The following NEU2 variants were observed in gnomAD, a reference collection of about 807,000 sequenced individuals.
NEU2 encodes sialidase-2.
NEU2 carries 7 observed loss-of-function variants against 6.3 expected under a neutral mutation model. The ratio of observed to expected loss-of-function variants is 1.12; its 90% CI spans 0.63 to 2.10. The LOEUF is 2.10. NEU2 is among the 30% of genes most tolerant of loss of function. NEU2 has a pLI of 0.00. For synonymous variants in NEU2, 208 were observed against 223.3 expected (o/e 0.93, Z 0.61); for missense variants, 509 against 504.0 (o/e 1.01, Z -0.09).
intron 1 of NEU2, among the ~76,000 whole-genome samples, chr2:233,033,558 G>A (rs567754267): frequency 1.3e-5 from 2 of 152,312 alleles, no homozygotes; most frequent in South Asian, 2.1e-4. Context: ...TTGCCCAATG[G>A]GGGTAGCTGT....
chr2:233,034,932 A>C lies in NEU2; in HGVS notation c.1018A>C (p.Met340Leu). The change falls in exon 2 of 2, where the codon ATG (methionine) becomes CTG (leucine). Residue 340 changes from methionine (M) to leucine (L), a missense_variant. By Grantham distance (15) the Met-to-Leu change is conservative (BLOSUM62 2). Coordinates refer to ENST00000233840, the MANE Select transcript of NEU2 (RefSeq NM_005383.2). This position sits in a 1 kb window ranked among gnomAD's most constrained non-coding sequence, Gnocchi z 4.8. ...GSCAYSDLQS[M>L]GTGPDGSPLF... ...CTGTGCCTACTCAGACCTCCAGAGC[A>C]TGGGCACCGGCCCTGATGGGTCCCC... The C allele has an allele frequency of 6.2e-7, 1 of 1,614,156 alleles. No individual in the cohort carries two copies. The highest frequency in any genetic ancestry group is 1.1e-5 in the South Asian group (1 of 91,090).
rs1181758144 is a variant in NEU2, at chr2:233,034,745, C to T, written c.831C>T (p.Ile277=). 2.0e-6 allele frequency: 3 copies of T among 1,538,312 alleles called. No individual in the cohort carries two copies. The Admixed American group carries it at 6.0e-5, about 31-fold the overall frequency. ...CCCAGGGCTGCCAGGGGAGCGTCAT[C>T]AGCTTCCCCAGCCCCCGCTCGGGGC... The part of the protein sequence containing the change: ...PPPQGCQGSV[I]SFPSPRSGPG... Residue 277 remains isoleucine, a synonymous_variant, in exon 2 of 2, where the codon ATC becomes ATT. Transcript: ENST00000233840. The surrounding 1 kb of genome is among the most constrained non-coding windows in gnomAD (Gnocchi z 4.8).
Position 233,034,397 on chromosome 2 carries a change from G to A in NEU2, c.483G>A (p.Pro161=), listed in dbSNP as rs374643414. 5.6e-5 allele frequency: 91 copies of A among 1,613,756 alleles called. No homozygotes were observed. Among genetic ancestry groups the A allele is most frequent in the African/African-American group, 1.1e-4 (8 of 74,896 alleles). ...AGTGGTCCACCTTTGCAGTGGGCCCGGGGCATTGTTTGCAGCTTCACGACA... is the reference window on the plus strand; with the variant it reads ...AGTGGTCCACCTTTGCAGTGGGCCCAGGGCATTGTTTGCAGCTTCACGACA... The part of the protein sequence containing the change: ...YREWSTFAVG[P]GHCLQLHDRA... The change falls in exon 2 of 2, where the codon CCG becomes CCA. Residue 161 remains proline (P), a synonymous_variant. Coordinates refer to ENST00000233840, the MANE Select transcript of NEU2 (RefSeq NM_005383.2). This position sits in a 1 kb window ranked among gnomAD's most constrained non-coding sequence, Gnocchi z 4.8.
Position 233,034,243 on chromosome 2 carries a change from C to A in NEU2, c.329C>A (p.Thr110Lys). 6.2e-7 allele frequency: 1 copy of A among 1,614,168 alleles called. No individual in the cohort carries two copies. Among genetic ancestry groups the A allele is most frequent in the South Asian group, 1.1e-5 (1 of 91,086 alleles). Reference sequence around the variant, plus strand: ...TTCATTGCCATCCCTGGGCAAGTCACGGAGCAACAGCAGCTGCAGACCAGG... The same window carrying A: ...TTCATTGCCATCCCTGGGCAAGTCAAGGAGCAACAGCAGCTGCAGACCAGG... ...LFFIAIPGQV[T>K]EQQQLQTRAN... The change falls in exon 2 of 2, where the codon ACG (threonine) becomes AAG (lysine). Residue 110 changes from threonine (T) to lysine (K), a missense_variant. Transcript: ENST00000233840. The surrounding 1 kb of genome is among the most constrained non-coding windows in gnomAD (Gnocchi z 4.8).
chr2:233,033,800 G>A (rs1028803863), intron 1 of NEU2, among the ~76,000 whole-genome samples: 1 of 152,152 alleles, frequency 6.6e-6, no homozygotes, highest in Non-Finnish European at 1.5e-5. Context: ...AGTTGGGAAT[G>A]GCTCATGCAC....
chr2:233,034,235 G>T lies in NEU2; in HGVS notation c.321G>T (p.Gly107=). ...TLFLFFIAIP[G]QVTEQQQLQT... ...TCCTCTTCTTCATTGCCATCCCTGG[G>T]CAAGTCACGGAGCAACAGCAGCTGC... The change falls in exon 2 of 2, where the codon GGG becomes GGT. Residue 107 remains glycine (G), a synonymous_variant. Coordinates refer to ENST00000233840, the MANE Select transcript of NEU2 (RefSeq NM_005383.2). The surrounding 1 kb of genome is among the most constrained non-coding windows in gnomAD (Gnocchi z 4.8). 3 of 1,614,194 alleles carry T rather than the reference G, an allele frequency of 1.9e-6. No homozygotes were observed. Among genetic ancestry groups the T allele is most frequent in the Non-Finnish European group, 2.5e-6 (3 of 1,180,036 alleles).
In NEU2 at chr2:233,034,282, G is replaced by A. The variant is rs140403218; in HGVS notation, c.368G>A (p.Arg123Gln). Residue 123 changes from arginine to glutamine, a missense_variant, in exon 2 of 2, where the codon CGG (arginine) becomes CAG (glutamine). Arg to Gln is a conservative substitution (Grantham distance 43). Coordinates refer to ENST00000233840, the MANE Select transcript of NEU2 (RefSeq NM_005383.2). The surrounding 1 kb of genome is among the most constrained non-coding windows in gnomAD (Gnocchi z 4.8). The stretch of plus-strand genomic sequence containing the variant: ...CTGCAGACCAGGGCCAATGTGACGC[G>A]GCTGTGCCAAGTCACCAGCACTGAC... ...QQLQTRANVT[R>Q]LCQVTSTDHG... 184 of 1,614,120 alleles carry A rather than the reference G, an allele frequency of 1.1e-4. No homozygotes were observed. The African/African-American group carries it at 1.4e-3, about 12-fold the overall frequency.
rs772166619 is a variant in NEU2 at position 233,034,511 on chromosome 2, C to A, written c.597C>A (p.Ser199Arg). 9.9e-6 allele frequency: 16 copies of A among 1,614,150 alleles called. No homozygotes were observed. Among genetic ancestry groups the A allele is most frequent in the Non-Finnish European group, 8.5e-7 (1 of 1,179,992 alleles). Residue 199 changes from serine (S) to arginine (R), a missense_variant, in exon 2 of 2, where the codon AGC becomes AGA. Ser to Arg is a moderately radical substitution (Grantham distance 110). Transcript: ENST00000233840. The surrounding 1 kb of genome is among the most constrained non-coding windows in gnomAD (Gnocchi z 4.8). ...TCCCCTCTGCCTTCTGCTTCCTCAGCCATGACCATGGGCGCACGTGGGCGC... is the reference window on the plus strand; with the variant it reads ...TCCCCTCTGCCTTCTGCTTCCTCAGACATGACCATGGGCGCACGTGGGCGC... ...RPIPSAFCFL[S>R]HDHGRTWARG...
Position 233,033,033 on chromosome 2 carries a change from G to C in NEU2, c.201+161G>C, listed in dbSNP as rs115244834. On this transcript the variant is annotated intron_variant, in intron 1 of 1. Transcript: ENST00000233840. Reference sequence around the variant, plus strand: ...TAGAGCAGAGAAAGTGCCCCTAATGGTTCCCTGGACCTCTGGGTTCACTGT... The same window carrying C: ...TAGAGCAGAGAAAGTGCCCCTAATGCTTCCCTGGACCTCTGGGTTCACTGT... 3.8e-3 allele frequency among the ~76,000 whole-genome samples: 577 copies of C among 152,320 alleles called. 7 individuals carry two copies. The highest frequency in any genetic ancestry group is 0.013 in the African/African-American group (525 of 41,572).
At position 233,032,761 on chromosome 2, in the gene NEU2, G is replaced by A. The variant is rs764579393; in HGVS notation, c.90G>A (p.Gly30=). 102 of 1,614,126 alleles carry A rather than the reference G, an allele frequency of 6.3e-5. No homozygotes were observed. The East Asian group carries it at 2.2e-3, about 35-fold the overall frequency. Residue 30 remains glycine (G), a synonymous_variant, in exon 1 of 2, where the codon GGG becomes GGA. Transcript: ENST00000233840. ...YRIPALLYLP[G]QQSLLAFAEQ... ...TCCCTGCCCTGCTCTACCTGCCTGGGCAGCAGTCCCTGCTGGCCTTCGCGG... is the reference window on the plus strand; with the variant it reads ...TCCCTGCCCTGCTCTACCTGCCTGGACAGCAGTCCCTGCTGGCCTTCGCGG...
At chr2:233,033,385 T>G (rs1690540998) in intron 1 of NEU2, among the ~76,000 whole-genome samples, 1 of 152,246 alleles carries the variant, frequency 6.6e-6, no homozygotes, top group Non-Finnish European at 1.5e-5. Context: ...GTTCAAGTCC[T>G]GGTTCCGCCA....
chr2:233,033,558 G>C (rs567754267), intron 1 of NEU2, among the ~76,000 whole-genome samples: 1 of 152,194 alleles, frequency 6.6e-6, no homozygotes, highest in East Asian at 1.9e-4. Context: ...TTGCCCAATG[G>C]GGGTAGCTGT....
Position 233,034,739 on chromosome 2 carries a change from C to T in NEU2, c.825C>T (p.Ser275=), listed in dbSNP as rs761536991. 27 of 1,538,770 alleles carry T rather than the reference C, an allele frequency of 1.8e-5. No homozygotes were observed. Among genetic ancestry groups the T allele is most frequent in the Middle Eastern group, 1.7e-4 (1 of 5,716 alleles). The change falls in exon 2 of 2, where the codon AGC becomes AGT. Residue 275 remains serine, a synonymous_variant. Transcript: ENST00000233840. The surrounding 1 kb of genome is among the most constrained non-coding windows in gnomAD (Gnocchi z 4.8). ...CGCCGCCCCAGGGCTGCCAGGGGAGCGTCATCAGCTTCCCCAGCCCCCGCT... is the reference window on the plus strand; with the variant it reads ...CGCCGCCCCAGGGCTGCCAGGGGAGTGTCATCAGCTTCCCCAGCCCCCGCT... ...VEPPPQGCQG[S]VISFPSPRSG...
chr2:233,032,972 A>G (rs1690535755), intron 1 of NEU2, 100 bp downstream of exon 1: 3 of 1,268,850 alleles, frequency 2.4e-6, no homozygotes, highest in East Asian at 2.6e-5. Context: ...TACAGGGACA[A>G]CTTTATCCCT....
rs1256624370 is a variant in NEU2 at position 233,032,858 on chromosome 2, A to G, written c.187A>G (p.Thr63Ala). Residue 63 changes from threonine (T) to alanine (A), a missense_variant, in exon 1 of 2, where the codon ACC (threonine) becomes GCC (alanine). Physicochemically the swap from Thr to Ala is moderately conservative, Grantham distance 58 (BLOSUM62 0). Transcript: ENST00000233840. ...VLRRGDYDAPTHQVQWQAQEV... is the reference protein window; with the variant it reads ...VLRRGDYDAPAHQVQWQAQEV... Reference sequence around the variant, plus strand: ...GCGCAGAGGAGACTACGACGCACCCACCCACCAGGTTCAGGTGAGGCAGGA... The same window carrying G: ...GCGCAGAGGAGACTACGACGCACCCGCCCACCAGGTTCAGGTGAGGCAGGA... 6.2e-7 allele frequency: 1 copy of G among 1,603,280 alleles called. No individual in the cohort carries two copies. The highest frequency in any genetic ancestry group is 1.3e-5 in the African/African-American group (1 of 74,634).
In NEU2 at chr2:233,034,829, C is replaced by G. The variant is rs767831246; in HGVS notation, c.915C>G (p.Ala305=). The G allele has an allele frequency of 6.3e-7, 1 of 1,599,366 alleles. No homozygotes were observed. The highest frequency in any genetic ancestry group is 1.3e-5 in the African/African-American group (1 of 74,810). The change falls in exon 2 of 2, where the codon GCC becomes GCG. Residue 305 remains alanine (A), a synonymous_variant. Coordinates refer to ENST00000233840, the MANE Select transcript of NEU2 (RefSeq NM_005383.2). The surrounding 1 kb of genome is among the most constrained non-coding windows in gnomAD (Gnocchi z 4.8). The part of the protein sequence containing the change: ...YTHPTHSWQR[A]DLGAYLNPRP... Reference sequence around the variant, plus strand: ...ACCCCACACACTCCTGGCAGAGGGCCGACCTGGGTGCCTACCTCAACCCGC... The same window carrying G: ...ACCCCACACACTCCTGGCAGAGGGCGGACCTGGGTGCCTACCTCAACCCGC...
In NEU2 at chr2:233,035,013, T is replaced by C. The variant is rs1257537199; in HGVS notation, c.1099T>C (p.Phe367Leu). 1 of 1,612,582 alleles carries C rather than the reference T, an allele frequency of 6.2e-7. No individual in the cohort carries two copies. Among genetic ancestry groups the C allele is most frequent in the African/African-American group, 1.3e-5 (1 of 74,914 alleles). Residue 367 changes from phenylalanine to leucine, a missense_variant, in exon 2 of 2, where the codon TTC (phenylalanine) becomes CTC (leucine). Transcript: ENST00000233840. ...TTACGAGGAGATTGTCTTTCTCATGTTCACCCTGAAGCAAGCCTTCCCAGC... is the reference window on the plus strand; with the variant it reads ...TTACGAGGAGATTGTCTTTCTCATGCTCACCCTGAAGCAAGCCTTCCCAGC... ...NDYEEIVFLMFTLKQAFPAEY... is the reference protein window; with the variant it reads ...NDYEEIVFLMLTLKQAFPAEY...
chr2:233,034,533 G>T lies in NEU2; in HGVS notation c.619G>T (p.Ala207Ser). Residue 207 changes from alanine to serine, a missense_variant, in exon 2 of 2, where the codon GCG becomes TCG. Transcript: ENST00000233840. The surrounding 1 kb of genome is among the most constrained non-coding windows in gnomAD (Gnocchi z 4.8). ...CAGCCATGACCATGGGCGCACGTGG[G>T]CGCGAGGGCACTTTGTGGCCCAGGA... is the stretch of plus-strand genomic sequence containing the variant. The part of the protein sequence containing the change: ...FLSHDHGRTW[A>S]RGHFVAQDTL... The T allele has an allele frequency of 1.2e-6, 2 of 1,614,096 alleles. No individual in the cohort carries two copies. Among genetic ancestry groups the T allele is most frequent in the Non-Finnish European group, 1.7e-6 (2 of 1,179,956 alleles).
In NEU2 at chr2:233,034,160, C is replaced by A; in HGVS notation, c.246C>A (p.His82Gln). The change falls in exon 2 of 2, where the codon CAC becomes CAA. Residue 82 changes from histidine (H) to glutamine (Q), a missense_variant. Transcript: ENST00000233840. The surrounding 1 kb of genome is among the most constrained non-coding windows in gnomAD (Gnocchi z 4.8). The stretch of plus-strand genomic sequence containing the variant: ...TGGCCCAGGCCCGGCTGGATGGCCA[C>A]CGGTCCATGAACCCATGCCCCTTGT... ...EVVAQARLDG[H>Q]RSMNPCPLYD... is the part of the protein sequence containing the mutation. 6.2e-7 allele frequency: 1 copy of A among 1,613,776 alleles called. No individual in the cohort carries two copies. Among genetic ancestry groups the A allele is most frequent in the Non-Finnish European group, 8.5e-7 (1 of 1,179,848 alleles).
Sources: allele counts gnomAD v4.1 joint callset (sites outside exome capture counted in the v4.1 genomes callset), GRCh38; gene constraint gnomAD v4.1.1; non-coding constraint Gnocchi (gnomAD v3.1); transcripts MANE v1.5; gene names NCBI Gene and HGNC (gene_info 2026-07-23, HGNC 2026-07-21).